RGS6: variants seen among roughly 807,000 people sequenced by gnomAD.
RGS6 encodes the protein regulator of G protein signaling 6, also known as regulator of G-protein signaling 6.
A neutral mutation model predicts 78.5 loss-of-function variants in RGS6; 30 were observed. That is an observed-to-expected ratio of 0.38 (90% CI 0.29 to 0.52). RGS6 has a LOEUF of 0.52. Ranked by LOEUF, RGS6 falls within the 20% of genes least tolerant of loss-of-function variation. The probability of loss-of-function intolerance (pLI) is 0.85; values close to 1 mark genes in which losing one functional copy is unlikely to be tolerated. For missense variants in RGS6, 495 were observed against 609.7 expected (o/e 0.81, Z 1.98); for synonymous variants, 206 against 206.0 (o/e 1.00, Z 0.00).
At chr14:71,888,409 G>T in the RGS6 span, among the ~76,000 whole-genome samples, 2 of 146,412 alleles carry the variant, frequency 1.4e-5, no homozygotes, top group Non-Finnish European at 3.0e-5. Context: ...CACAGCAAAA[G>T]CTCTGTCTCA....
At chr14:71,884,230 C>T in the RGS6 span, among the ~76,000 whole-genome samples, 5 of 152,190 alleles carry the variant, frequency 3.3e-5, no homozygotes, top group Non-Finnish European at 7.3e-5. Context: ...ACAACACCTC[C>T]TGCGAGCCAG....
chr14:71,912,562 T>C, the RGS6 span, among the ~76,000 whole-genome samples: 1 of 152,092 alleles, frequency 6.6e-6, no homozygotes, highest in Non-Finnish European at 1.5e-5. Flanking sequence ...TGAGTATATA[T>C]GATGGAGCTC....
chr14:72,499,026 AC>A (rs2096682832), intron 13 of RGS6, among the ~76,000 whole-genome samples: 1 of 151,990 alleles, frequency 6.6e-6, no homozygotes, highest in South Asian at 2.1e-4. Context: ...GTAGACCCCC[AC>A]CCTTCCTAGT....
At chr14:72,250,973 C>CA (rs1567580741) in intron 2 of RGS6, among the ~76,000 whole-genome samples, 2 of 151,958 alleles carry the variant, frequency 1.3e-5, no homozygotes, top group Non-Finnish European at 2.9e-5. Flanking sequence ...GGAAGCCATA[C>CA]AAAAAAATGA....
intron 2 of RGS6, among the ~76,000 whole-genome samples, chr14:72,335,547 T>C (rs1333979035): frequency 6.6e-6 from 1 of 152,150 alleles, no homozygotes; most frequent in African/African-American, 2.4e-5. Flanking sequence ...TGTCTCTACA[T>C]AGAAAGGGCC....
At chr14:72,124,546 T>C (rs2096140495) in intron 2 of RGS6, among the ~76,000 whole-genome samples, 1 of 152,212 alleles carries the variant, frequency 6.6e-6, no homozygotes, top group African/African-American at 2.4e-5. Context: ...GTCTTAGGCA[T>C]TTGAAATATA....
Position 72,064,566 on chromosome 14 carries a change from G to A in RGS6, c.84+99691G>A, listed in dbSNP as rs1016501618. ...TGTGTCTTCACCCACAAAAGGAGAC[G>A]TGTGAGAAGTGAATACTTAGTGATT... On this transcript the variant is annotated intron_variant, in intron 2 of 17. Transcript: ENST00000553525. Among the ~76,000 whole-genome samples, 5 of 152,184 alleles carry A rather than the reference G, an allele frequency of 3.3e-5. 1 individual carries two copies. The highest frequency in any genetic ancestry group is 1.2e-4 in the African/African-American group (5 of 41,454).
intron 3 of RGS6, among the ~76,000 whole-genome samples, chr14:72,448,080 G>A (rs940650979): frequency 1.3e-5 from 2 of 152,194 alleles, no homozygotes; most frequent in African/African-American, 4.8e-5. Context: ...AGAGAGTTTT[G>A]TATACCTGGC....
At chr14:72,090,131 A>G (rs912427545) in intron 2 of RGS6, among the ~76,000 whole-genome samples, 1 of 83,216 alleles carries the variant, frequency 1.2e-5, no homozygotes, top group African/African-American at 3.5e-5. Context: ...AAAAAAAAAT[A>G]AAGCCTTCAA....
At chr14:72,174,691 G>A (rs1358980757) in intron 2 of RGS6, among the ~76,000 whole-genome samples, 3 of 152,068 alleles carry the variant, frequency 2.0e-5, no homozygotes, top group Non-Finnish European at 2.9e-5. Context: ...TGCAAGCTAG[G>A]AGCCTCCCAA....
At chr14:72,458,463 G>A (rs2238186) in intron 5 of RGS6, 86 bp downstream of exon 5, 8 of 1,041,054 alleles carry the variant, frequency 7.7e-6, no homozygotes, top group African/African-American at 1.6e-5. Flanking sequence ...AAAACCTAGG[G>A]ATATCTGAGG....
At chr14:72,361,772 C>T (rs1012882784) in intron 3 of RGS6, among the ~76,000 whole-genome samples, 3 of 152,032 alleles carry the variant, frequency 2.0e-5, no homozygotes, top group Non-Finnish European at 4.4e-5. Flanking sequence ...AGATGACTTT[C>T]ACAATAAGAG....
At chr14:72,015,939 C>T (rs1420813687) in intron 2 of RGS6, among the ~76,000 whole-genome samples, 1 of 152,034 alleles carries the variant, frequency 6.6e-6, no homozygotes, top group Non-Finnish European at 1.5e-5. Flanking sequence ...TTATAAGAAT[C>T]ATTTATAATC....
intron 3 of RGS6, among the ~76,000 whole-genome samples, chr14:72,369,751 T>C (rs1037691629): frequency 2.5e-4 from 38 of 152,220 alleles, no homozygotes; most frequent in Non-Finnish European, 5.6e-4. Context: ...ATTGTATTTG[T>C]CCAGGTCTAA....
intron 2 of RGS6, among the ~76,000 whole-genome samples, chr14:72,244,417 G>A (rs1430722432): frequency 1.3e-5 from 2 of 152,124 alleles, no homozygotes; most frequent in Non-Finnish European, 2.9e-5. Flanking sequence ...ATTACTGTAT[G>A]ATGCTATCTA....
rs944534095 is a variant in RGS6, at chr14:72,419,924, G to T, written c.185-34604G>T. Among the ~76,000 whole-genome samples the T allele has an allele frequency of 2.6e-5, 4 of 152,202 alleles. No homozygotes were observed. In the East Asian group the frequency reaches 7.7e-4, roughly 29 times the overall value. On this transcript the variant is annotated intron_variant, in intron 3 of 17. Coordinates refer to ENST00000553525, the MANE Select transcript of RGS6 (RefSeq NM_001204424.2). ...TAGGTGGAGAGAAGTAGAGCAAAAT[G>T]GTCCAATCTGCCCCCCTAAGGGTGT... is the stretch of plus-strand genomic sequence containing the variant.
At chr14:72,441,749 G>A (rs540841461) in intron 3 of RGS6, among the ~76,000 whole-genome samples, 55 of 152,346 alleles carry the variant, frequency 3.6e-4, no homozygotes, top group Middle Eastern at 3.4e-3. Flanking sequence ...GTTTTTTGCC[G>A]CGCCCAAAGC....
At chr14:72,167,026 G>A (rs1399940381) in intron 2 of RGS6, among the ~76,000 whole-genome samples, 2 of 146,966 alleles carry the variant, frequency 1.4e-5, no homozygotes, top group Non-Finnish European at 3.0e-5. Flanking sequence ...TCCCTTACTA[G>A]CCCAGTTGTA....
rs868801740 is a variant in RGS6 at position 72,200,321 on chromosome 14, C to G, written c.85-151774C>G. On this transcript the variant is annotated intron_variant, in intron 2 of 17. Coordinates refer to ENST00000553525, the MANE Select transcript of RGS6 (RefSeq NM_001204424.2). ...CTTGTGTTTCCACCCGTCCGCCCTGCTTTTCGGAACCCGCTTCCTTCATCA... is the reference window on the plus strand; with the variant it reads ...CTTGTGTTTCCACCCGTCCGCCCTGGTTTTCGGAACCCGCTTCCTTCATCA... 2.0e-5 allele frequency among the ~76,000 whole-genome samples: 3 copies of G among 152,232 alleles called. No individual in the cohort carries two copies. In the South Asian group the frequency reaches 6.2e-4, roughly 32 times the overall value.
Sources: allele counts gnomAD v4.1 joint callset (sites outside exome capture counted in the v4.1 genomes callset), GRCh38; gene constraint gnomAD v4.1.1; transcripts MANE v1.5; gene names NCBI Gene and HGNC (gene_info 2026-07-23, HGNC 2026-07-21).